NPAS3: variants seen among roughly 807,000 people sequenced by gnomAD.
NPAS3 encodes neuronal PAS domain protein 3, also known as neuronal PAS domain-containing protein 3.
In NPAS3, 14 loss-of-function variants were observed where a neutral mutation model predicts 73.1. The observed-to-expected ratio is 0.19, with a 90% CI of 0.13 to 0.30. The LOEUF is 0.30. Ranked by LOEUF, NPAS3 falls within the 10% of genes least tolerant of loss-of-function variation. The pLI is 1.00. For missense variants in NPAS3, 1,096 were observed against 1,250.0 expected, an observed-to-expected ratio of 0.88 and a Z score of 1.86; for synonymous variants, 620 against 541.5, an observed-to-expected ratio of 1.14 and a Z score of -2.01.
intron 6 of NPAS3, among the ~76,000 whole-genome samples, chr14:33,713,820 G>C (rs1379254971): frequency 6.6e-6 from 1 of 152,164 alleles, no homozygotes; most frequent in Non-Finnish European, 1.5e-5. Context: ...TCATACCTGT[G>C]ATATGTCCAT....
intron 6 of NPAS3, among the ~76,000 whole-genome samples, chr14:33,733,516 A>G (rs1389667911): frequency 6.6e-6 from 1 of 152,188 alleles, no homozygotes; most frequent in Non-Finnish European, 1.5e-5. Context: ...CAAAATGGGA[A>G]TCTCTGATAA....
At chr14:33,681,537 T>C (rs1422272832) in intron 6 of NPAS3, among the ~76,000 whole-genome samples, 1 of 152,156 alleles carries the variant, frequency 6.6e-6, no homozygotes, top group Non-Finnish European at 1.5e-5. Context: ...TCTGAAGCCT[T>C]TAAAAATCAG....
At chr14:33,152,085 G>T (rs951429974) in intron 2 of NPAS3, among the ~76,000 whole-genome samples, 1 of 152,064 alleles carries the variant, frequency 6.6e-6, no homozygotes, top group African/African-American at 2.4e-5. Flanking sequence ...GTTGTCAAAA[G>T]TGTGTATATG....
At chr14:32,943,098 G>A (rs7145361) in intron 1 of NPAS3, among the ~76,000 whole-genome samples, 2,561 of 151,926 alleles carry the variant, frequency 0.017, 72 homozygotes, top group African/African-American at 0.057. Context: ...TACTCCACAT[G>A]TGCAATATGC....
chr14:33,081,052 T>G (rs1281974196), intron 2 of NPAS3, among the ~76,000 whole-genome samples: 2 of 152,202 alleles, frequency 1.3e-5, no homozygotes, highest in Non-Finnish European at 2.9e-5. Context: ...GCAATGTACA[T>G]CACTAATAAG....
chr14:33,287,324 G>A (rs563729126), intron 3 of NPAS3, among the ~76,000 whole-genome samples: 4 of 152,188 alleles, frequency 2.6e-5, no homozygotes, highest in African/African-American at 7.2e-5. Context: ...AGCTGCAAAC[G>A]GCTCTGGAAT....
chr14:33,597,078 C>T (rs1286226941), intron 5 of NPAS3, among the ~76,000 whole-genome samples: 2 of 152,192 alleles, frequency 1.3e-5, no homozygotes, highest in Non-Finnish European at 2.9e-5. Flanking sequence ...TAGGGCCATT[C>T]GATCAAACCA....
At chr14:33,587,213 A>G (rs1053502413) in intron 5 of NPAS3, among the ~76,000 whole-genome samples, 3 of 152,234 alleles carry the variant, frequency 2.0e-5, no homozygotes, top group African/African-American at 4.8e-5. Flanking sequence ...CTATACGTCC[A>G]TATTTAGTGT....
chr14:32,964,868 G>A (rs551320090), intron 1 of NPAS3, among the ~76,000 whole-genome samples: 1 of 152,132 alleles, frequency 6.6e-6, no homozygotes, highest in African/African-American at 2.4e-5. Context: ...AACTAGGGAG[G>A]CTGAGGTGGG....
chr14:33,575,856 G>A (rs1014683828), intron 5 of NPAS3, among the ~76,000 whole-genome samples: 9 of 152,150 alleles, frequency 5.9e-5, no homozygotes, highest in Admixed American at 3.3e-4. Flanking sequence ...CCTTAAGAAT[G>A]TGTATCAATA....
At chr14:33,037,847 A>G (rs1183439718) in intron 1 of NPAS3, among the ~76,000 whole-genome samples, 5 of 152,198 alleles carry the variant, frequency 3.3e-5, no homozygotes, top group African/African-American at 4.8e-5. Flanking sequence ...GTTTTACTCT[A>G]TTAAATTGAT....
At chr14:33,559,455 C>A (rs999787259) in intron 4 of NPAS3, among the ~76,000 whole-genome samples, 3 of 152,086 alleles carry the variant, frequency 2.0e-5, no homozygotes, top group Admixed American at 6.5e-5. Flanking sequence ...TCATTACGAT[C>A]TTTATTCCTG....
intron 2 of NPAS3, among the ~76,000 whole-genome samples, chr14:33,097,565 C>G (rs938300511): frequency 1.3e-5 from 2 of 152,164 alleles, no homozygotes; most frequent in Non-Finnish European, 2.9e-5. Context: ...TTTGCTCAGT[C>G]CTAGGATATG....
chr14:33,040,152 G>T (rs188817069), intron 1 of NPAS3, among the ~76,000 whole-genome samples: 1 of 152,138 alleles, frequency 6.6e-6, no homozygotes, highest in East Asian at 1.9e-4. Flanking sequence ...AACCTGCAGG[G>T]GTATTCCCCT....
At chr14:33,592,486 G>T (rs748667946) in intron 5 of NPAS3, among the ~76,000 whole-genome samples, 2 of 152,174 alleles carry the variant, frequency 1.3e-5, no homozygotes. Flanking sequence ...AGGAGGCAAA[G>T]AATGCAGTGG....
At chr14:33,694,326 A>G (rs1369858970) in intron 6 of NPAS3, among the ~76,000 whole-genome samples, 1 of 152,200 alleles carries the variant, frequency 6.6e-6, no homozygotes, top group Non-Finnish European at 1.5e-5. Context: ...AACAAAACTG[A>G]TCTAAGGAGA....
rs370165312 is a variant in NPAS3 at position 33,511,447 on chromosome 14, A to C, written c.469-48674A>C. Among the ~76,000 whole-genome samples, 38 of 152,204 alleles carry C rather than the reference A, an allele frequency of 2.5e-4. 1 individual carries two copies. The highest frequency in any genetic ancestry group is 9.1e-4 in the African/African-American group (38 of 41,562). The stretch of plus-strand genomic sequence containing the variant: ...AGAAAAATTACAATTTAATCAATAA[A>C]GAGAAAGGGCCAAATTTCTAAACAA... On this transcript the variant is annotated intron_variant, in intron 4 of 11. Transcript: ENST00000356141.
At chr14:32,979,843 T>A (rs927855896) in intron 1 of NPAS3, among the ~76,000 whole-genome samples, 1 of 152,164 alleles carries the variant, frequency 6.6e-6, no homozygotes, top group African/African-American at 2.4e-5. Context: ...AAGTTTGAAA[T>A]TAGGTTATTT....
chr14:33,141,078 C>T (rs976858398), intron 2 of NPAS3, among the ~76,000 whole-genome samples: 1 of 152,102 alleles, frequency 6.6e-6, no homozygotes, highest in African/African-American at 2.4e-5. Flanking sequence ...ATATTGATAC[C>T]AAAACTGTAC....
Sources: allele counts gnomAD v4.1 joint callset (sites outside exome capture counted in the v4.1 genomes callset), GRCh38; gene constraint gnomAD v4.1.1; transcripts MANE v1.5; gene names NCBI Gene and HGNC (gene_info 2026-07-23, HGNC 2026-07-21).